The following CNKSR2 variants were observed in gnomAD, a reference collection of about 807,000 sequenced individuals.
The protein encoded by CNKSR2 is CNK homolog protein 2.
Under a neutral mutation model 84.4 loss-of-function variants are expected in CNKSR2, and 14 were observed. The observed-to-expected ratio is 0.17, with a 90% CI of 0.11 to 0.26. The LOEUF is 0.26. Ranked by LOEUF, CNKSR2 falls within the 10% of genes least tolerant of loss-of-function variation. The pLI, the probability that CNKSR2 is intolerant of heterozygous loss-of-function variation, is 1.00. For synonymous variants in CNKSR2, 275 were observed against 277.9 expected, an observed-to-expected ratio of 0.99 and a Z score of 0.10; for missense variants, 485 against 771.2, an observed-to-expected ratio of 0.63 and a Z score of 4.40.
chrX:21,538,221 C>T (rs1374309659), intron 11 of CNKSR2: 4 of 111,678 alleles, frequency 3.6e-5, no homozygotes, highest in Non-Finnish European at 7.5e-5. Flanking sequence ...TAGTATTAGC[C>T]AACAATTTTT....
chrX:21,430,429 A>G (rs2090620181), intron 2 of CNKSR2, among the ~76,000 whole-genome samples: 1 of 111,740 alleles, frequency 8.9e-6, no homozygotes, highest in African/African-American at 3.2e-5. Flanking sequence ...ATAGAGATAA[A>G]CAATTTAAAA....
At chrX:21,486,719 T>C (rs60017112) in intron 5 of CNKSR2, among the ~76,000 whole-genome samples, 9,016 of 111,923 alleles carry the variant, frequency 0.081, 904 homozygotes, top group African/African-American at 0.28. Flanking sequence ...TATTTTATGA[T>C]TTTCTTTTTC....
rs140232153 is a variant in CNKSR2, at chrX:21,406,148, G to A, written c.65-20349G>A. ...TTCTGCCTCCTATCAGATGACCGGT[G>A]CCATTTTAGATTCTCATAGGAATGC... On this transcript the variant is annotated intron_variant, in intron 1 of 21. Transcript: ENST00000379510. Among the ~76,000 whole-genome samples, 13 of 111,274 alleles carry A rather than the reference G, an allele frequency of 1.2e-4. No individual in the cohort carries two copies. The East Asian group carries it at 3.7e-3, about 32-fold the overall frequency.
chrX:21,449,040 C>A (rs1466025822), intron 4 of CNKSR2, among the ~76,000 whole-genome samples: 1 of 111,697 alleles, frequency 9.0e-6, no homozygotes, highest in East Asian at 2.8e-4. Context: ...CGCGTTGGCT[C>A]ATGCCTGTAA....
At chrX:21,440,095 A>G (rs1321346193) in intron 3 of CNKSR2, among the ~76,000 whole-genome samples, 1 of 111,641 alleles carries the variant, frequency 9.0e-6, no homozygotes, top group Non-Finnish European at 1.9e-5. Context: ...ATACATCAGT[A>G]TACAGGTCCA....
intron 20 of CNKSR2, among the ~76,000 whole-genome samples, chrX:21,635,129 G>T (rs2092664517): frequency 9.2e-6 from 1 of 108,324 alleles, no homozygotes; most frequent in South Asian, 4.0e-4. Context: ...GCTTGTGTGT[G>T]GGGGAGTGCT....
intron 17 of CNKSR2, among the ~76,000 whole-genome samples, chrX:21,597,404 T>A (rs73451494): frequency 1.2e-4 from 13 of 111,601 alleles, no homozygotes; most frequent in African/African-American, 3.9e-4. Context: ...AAAGGCCGTC[T>A]CCACATTATA....
chrX:21,422,769 G>A (rs2090515380), intron 1 of CNKSR2, among the ~76,000 whole-genome samples: 1 of 110,492 alleles, frequency 9.1e-6, no homozygotes, highest in African/African-American at 3.3e-5. Context: ...TTGAGGTGAT[G>A]GATATTCCAA....
chrX:21,626,244 TAAAAAAAAAA>T (rs397895953), intron 20 of CNKSR2, among the ~76,000 whole-genome samples: 12 of 40,898 alleles, frequency 2.9e-4, no homozygotes, highest in African/African-American at 8.2e-4. Context: ...TTCTAGGTGG[TAAAAAAAAAA>T]AAAAAAAAAA....
intron 8 of CNKSR2, chrX:21,504,882 A>C (rs1342080675): frequency 3.4e-6 from 1 of 291,157 alleles, no homozygotes; most frequent in Non-Finnish European, 6.0e-6. Context: ...ATCCAAGCAA[A>C]GCAGACTGAG....
At chrX:21,425,193 C>A (rs183782454) in intron 1 of CNKSR2, 53 of 111,922 alleles carry the variant, frequency 4.7e-4, no homozygotes, top group African/African-American at 1.5e-3. Flanking sequence ...ACTCCTCAAC[C>A]CATTCGATGC....
chrX:21,564,016 G>A (rs1471983013), intron 13 of CNKSR2, among the ~76,000 whole-genome samples: 1 of 111,039 alleles, frequency 9.0e-6, no homozygotes, highest in Non-Finnish European at 1.9e-5. Context: ...AGGCTTCAGA[G>A]TGGGGAGCAT....
intron 5 of CNKSR2, among the ~76,000 whole-genome samples, chrX:21,481,161 A>G (rs1252584424): frequency 8.9e-6 from 1 of 111,933 alleles, no homozygotes; most frequent in Non-Finnish European, 1.9e-5. Flanking sequence ...TTCAATAAAT[A>G]TCAGTTATTG....
chrX:21,426,561 G>A lies in CNKSR2; in HGVS notation c.129G>A (p.Gln43=). Residue 43 remains glutamine (Q), a synonymous_variant, in exon 2 of 22, where the codon CAG becomes CAA. Coordinates refer to ENST00000379510, the MANE Select transcript of CNKSR2 (RefSeq NM_014927.5). Reference sequence around the variant, plus strand: ...AGAGGGAGAAGATCAGTGGGGACCAGCTGCTGCGCATTACACATCAGGAGC... The same window carrying A: ...AGAGGGAGAAGATCAGTGGGGACCAACTGCTGCGCATTACACATCAGGAGC... ...NFEREKISGD[Q]LLRITHQELE... is the part of the protein sequence containing the mutation. 3 of 1,209,465 alleles carry A rather than the reference G, an allele frequency of 2.5e-6. No individual in the cohort carries two copies. The highest frequency in any genetic ancestry group is 2.2e-6 in the Non-Finnish European group (2 of 894,148).
At chrX:21,420,600 G>A (rs1342267514) in intron 1 of CNKSR2, among the ~76,000 whole-genome samples, 1 of 110,527 alleles carries the variant, frequency 9.0e-6, no homozygotes, top group Non-Finnish European at 1.9e-5. Flanking sequence ...CAGGGCCCAA[G>A]GGCTCTTCAG....
At chrX:21,443,272 A>C (rs755732703) in intron 4 of CNKSR2, among the ~76,000 whole-genome samples, 1 of 112,275 alleles carries the variant, frequency 8.9e-6, no homozygotes, top group African/African-American at 3.2e-5. Flanking sequence ...GAAGTAAAAT[A>C]GGAACTTTGT....
At chrX:21,456,440 A>G (rs1327079088) in intron 4 of CNKSR2, among the ~76,000 whole-genome samples, 3 of 111,802 alleles carry the variant, frequency 2.7e-5, no homozygotes, top group Admixed American at 1.9e-4. Flanking sequence ...TTTAGATTTC[A>G]TATATAAATG....
At chrX:21,415,831 T>TAC (rs1186167941) in intron 1 of CNKSR2, among the ~76,000 whole-genome samples, 61 of 52,387 alleles carry the variant, frequency 1.2e-3, no homozygotes, top group African/African-American at 4.3e-3. Context: ...TATATACATA[T>TAC]ATACACACAC....
At chrX:21,459,855 T>A (rs2091040093) in intron 4 of CNKSR2, among the ~76,000 whole-genome samples, 1 of 111,580 alleles carries the variant, frequency 9.0e-6, no homozygotes, top group East Asian at 2.8e-4. Context: ...CTTTTTCAAC[T>A]ACTCCATCTC....
Sources: allele counts gnomAD v4.1 joint callset (sites outside exome capture counted in the v4.1 genomes callset), GRCh38; gene constraint gnomAD v4.1.1; transcripts MANE v1.5; gene names NCBI Gene and HGNC (gene_info 2026-07-23, HGNC 2026-07-21).